RBFOX1: variants seen among roughly 807,000 people sequenced by gnomAD.
RBFOX1 encodes the protein RNA binding fox-1 homolog 1, also known as RNA binding protein fox-1 homolog 1.
RBFOX1 carries 8 observed loss-of-function variants against 57.7 expected under a neutral mutation model. That is an observed-to-expected ratio of 0.14 (90% confidence interval 0.08 to 0.25). The LOEUF is 0.25. Among genes scored for constraint, RBFOX1 ranks in the 10% least tolerant of loss-of-function variants. The probability of loss-of-function intolerance (pLI) is 1.00; values close to 1 mark genes in which losing one functional copy is unlikely to be tolerated. For synonymous variants in RBFOX1, 326 were observed against 222.4 expected (o/e 1.47, Z -4.15); for missense variants, 611 against 548.5 (o/e 1.11, Z -1.14).
chr16:7,144,992 C>G (rs886812146), intron 4 of RBFOX1, among the ~76,000 whole-genome samples: 1 of 152,232 alleles, frequency 6.6e-6, no homozygotes, highest in Non-Finnish European at 1.5e-5. Flanking sequence ...AATTCTGAAA[C>G]AGGTCAGCTG....
At chr16:5,885,201 C>T (rs937930793) in intron 4 of RBFOX1, among the ~76,000 whole-genome samples, 3 of 151,912 alleles carry the variant, frequency 2.0e-5, no homozygotes, top group South Asian at 2.1e-4. Flanking sequence ...GGTTTCTCAG[C>T]GCCTCCTCAG....
At chr16:6,030,812 T>A (rs1324958289) in intron 1 of RBFOX1, among the ~76,000 whole-genome samples, 1 of 152,218 alleles carries the variant, frequency 6.6e-6, no homozygotes, top group East Asian at 1.9e-4. Context: ...GCACTATTTA[T>A]GCTATATAAA....
At chr16:7,232,532 G>A (rs9934410) in intron 4 of RBFOX1, among the ~76,000 whole-genome samples, 43,314 of 151,962 alleles carry the variant, frequency 0.29, 6,534 homozygotes, top group African/African-American at 0.39. Context: ...CTTATTTAAT[G>A]GTGTTCTTTT....
At chr16:5,971,049 C>T (rs1410703494) in intron 4 of RBFOX1, among the ~76,000 whole-genome samples, 1 of 152,214 alleles carries the variant, frequency 6.6e-6, no homozygotes, top group African/African-American at 2.4e-5. Context: ...CCTGTGTGAG[C>T]TGACATGACA....
intron 3 of RBFOX1, among the ~76,000 whole-genome samples, chr16:5,691,151 A>G (rs1473863168): frequency 6.6e-6 from 1 of 152,154 alleles, no homozygotes; most frequent in Non-Finnish European, 1.5e-5. Flanking sequence ...GTTTTCCCTT[A>G]TGTTTTCTGA....
intron 3 of RBFOX1, among the ~76,000 whole-genome samples, chr16:6,985,155 C>T (rs1049226788): frequency 7.4e-6 from 1 of 135,744 alleles, no homozygotes. Flanking sequence ...TTCCTCTGCC[C>T]TTCTGTAGCA....
At chr16:7,055,841 AG>A (rs1484139438) in intron 4 of RBFOX1, among the ~76,000 whole-genome samples, 3 of 152,154 alleles carry the variant, frequency 2.0e-5, no homozygotes, top group African/African-American at 2.4e-5. Context: ...TCTGTTTGTC[AG>A]GGTGCTGGTT....
intron 1 of RBFOX1, among the ~76,000 whole-genome samples, chr16:6,090,736 C>T (rs924930370): frequency 1.3e-5 from 2 of 152,136 alleles, no homozygotes; most frequent in Non-Finnish European, 2.9e-5. Flanking sequence ...CCCCTTAGTG[C>T]AGTAAACAAA....
intron 3 of RBFOX1, among the ~76,000 whole-genome samples, chr16:6,815,884 A>G (rs574101634): frequency 6.6e-6 from 1 of 152,368 alleles, no homozygotes; most frequent in South Asian, 2.1e-4. Context: ...GGTATAATTT[A>G]AAAAATAATT....
intron 4 of RBFOX1, among the ~76,000 whole-genome samples, chr16:7,308,749 G>A (rs1161979718): frequency 6.6e-6 from 1 of 152,180 alleles, no homozygotes; most frequent in Non-Finnish European, 1.5e-5. Context: ...GAATCACCTG[G>A]GGAAGATGGG....
At chr16:5,819,129 A>G (rs976308285) in intron 3 of RBFOX1, among the ~76,000 whole-genome samples, 6 of 152,158 alleles carry the variant, frequency 3.9e-5, no homozygotes, top group Non-Finnish European at 7.3e-5. Flanking sequence ...GCTTATACAC[A>G]ACAGAAATGT....
chr16:7,024,825 A>G (rs2040408609), intron 3 of RBFOX1, among the ~76,000 whole-genome samples: 1 of 152,188 alleles, frequency 6.6e-6, no homozygotes, highest in South Asian at 2.1e-4. Flanking sequence ...GTTAACCACG[A>G]TGGTTCTCAC....
chr16:5,812,923 C>T lies in RBFOX1; in HGVS notation c.319-54380C>T, dbSNP rs116828014. Among the ~76,000 whole-genome samples, 93 of 152,144 alleles carry T rather than the reference C, an allele frequency of 6.1e-4. 1 individual carries two copies. Among genetic ancestry groups the T allele is most frequent in the African/African-American group, 2.1e-3 (89 of 41,494 alleles). Reference sequence around the variant, plus strand: ...GTGAAGTTTCTGCTCAAATATTTTGCCCATTAGAAAATTTTGGGTTGTTGA... The same window carrying T: ...GTGAAGTTTCTGCTCAAATATTTTGTCCATTAGAAAATTTTGGGTTGTTGA... On this transcript the variant is annotated intron_variant, in intron 3 of 19. Coordinates refer to the RBFOX1 transcript ENST00000641259.
intron 2 of RBFOX1, among the ~76,000 whole-genome samples, chr16:5,494,485 G>T (rs1192579202): frequency 6.6e-6 from 1 of 152,228 alleles, no homozygotes; most frequent in South Asian, 2.1e-4. Flanking sequence ...TCTTGGGTCT[G>T]TGTCTGAGCC....
At chr16:6,278,267 C>A (rs948620291) in intron 1 of RBFOX1, among the ~76,000 whole-genome samples, 3 of 150,384 alleles carry the variant, frequency 2.0e-5, no homozygotes, top group Admixed American at 1.3e-4. Context: ...TGGCAGGGAG[C>A]AGGCATGTGC....
At chr16:7,581,346 T>G (rs1223559939) in intron 6 of RBFOX1, among the ~76,000 whole-genome samples, 1 of 152,136 alleles carries the variant, frequency 6.6e-6, no homozygotes, top group Non-Finnish European at 1.5e-5. Flanking sequence ...GTTAAGTGTG[T>G]GTGAGGCAGT....
intron 2 of RBFOX1, among the ~76,000 whole-genome samples, chr16:6,335,500 C>T (rs966835648): frequency 6.6e-6 from 1 of 152,056 alleles, no homozygotes; most frequent in African/African-American, 2.4e-5. Context: ...AAAAATCAGG[C>T]CGGGCGCGGT....
chr16:6,221,858 C>G (rs530758410), intron 1 of RBFOX1, among the ~76,000 whole-genome samples: 4 of 152,262 alleles, frequency 2.6e-5, no homozygotes, highest in African/African-American at 7.2e-5. Context: ...CCAGTTTTCT[C>G]CATTTTGTAC....
intron 1 of RBFOX1, among the ~76,000 whole-genome samples, chr16:5,364,575 T>C (rs145997122): frequency 1.4e-4 from 22 of 152,348 alleles, no homozygotes; most frequent in African/African-American, 5.3e-4. Flanking sequence ...TGATACTTAC[T>C]CCATTCTCTA....
Sources: allele counts gnomAD v4.1 joint callset (sites outside exome capture counted in the v4.1 genomes callset), GRCh38; gene constraint gnomAD v4.1.1; transcripts MANE v1.5; gene names NCBI Gene and HGNC (gene_info 2026-07-23, HGNC 2026-07-21).